Variants in MSH3 observed in about 807,000 individuals in gnomAD.
MSH3 encodes the protein mutS homolog 3.
In MSH3, 106 loss-of-function variants were observed where a neutral mutation model predicts 123.3. The observed-to-expected ratio is 0.86, with a 90% CI of 0.73 to 1.01. MSH3 has a LOEUF of 1.01. Ranked by LOEUF, MSH3 falls within the 50% of genes least tolerant of loss-of-function variation. The probability of loss-of-function intolerance (pLI) is 0.00; values close to 1 mark genes in which losing one functional copy is unlikely to be tolerated. For missense variants in MSH3, 1,459 were observed against 1,347.6 expected, an observed-to-expected ratio of 1.08 and a Z score of -1.29; for synonymous variants, 515 against 481.4, an observed-to-expected ratio of 1.07 and a Z score of -0.91.
At chr5:80,866,090 G>GTTCAC (rs1746093940) in intron 22 of MSH3, among the ~76,000 whole-genome samples, 1 of 152,192 alleles carries the variant, frequency 6.6e-6, no homozygotes, top group Non-Finnish European at 1.5e-5. Flanking sequence ...AACTAACCCA[G>GTTCAC]AGCATTGTAC....
Position 80,741,498 on chromosome 5 carries a change from A to C in MSH3, c.1603A>C (p.Met535Leu), listed in dbSNP as rs1475486581. 1.2e-6 allele frequency: 2 copies of C among 1,607,288 alleles called. No homozygotes were observed. Among genetic ancestry groups the C allele is most frequent in the Admixed American group, 3.3e-5 (2 of 60,026 alleles). The change falls in exon 11 of 24, where the codon ATG becomes CTG. Residue 535 changes from methionine (M) to leucine (L), a missense_variant. Coordinates refer to ENST00000265081, the MANE Select transcript of MSH3 (RefSeq NM_002439.5). ...FKQLSSKMEF[M>L]TINGTTLRNL... ...ACAGCTATCAAGTAAAATGGAATTT[A>C]TGACAATTAATGGAACAACATTAAG...
intron 12 of MSH3, among the ~76,000 whole-genome samples, chr5:80,760,853 C>CTA (rs755302718): frequency 9.9e-5 from 15 of 152,072 alleles, no homozygotes; most frequent in Non-Finnish European, 1.8e-4. Flanking sequence ...TGGGCCAGGG[C>CTA]TAGAGGTGGC....
At chr5:80,698,026 A>C in intron 8 of MSH3, among the ~76,000 whole-genome samples, 1 of 151,588 alleles carries the variant, frequency 6.6e-6, no homozygotes, top group East Asian at 1.9e-4. Context: ...TCCCACCTCA[A>C]CCTCCTGAGT....
At chr5:80,742,393 T>A (rs562958586) in intron 11 of MSH3, among the ~76,000 whole-genome samples, 163 of 152,332 alleles carry the variant, frequency 1.1e-3, no homozygotes, top group Non-Finnish European at 2.1e-3. Context: ...TTGCTTTCAT[T>A]TATTAAATTA....
chr5:80,824,321 C>G (rs574186239), intron 20 of MSH3, among the ~76,000 whole-genome samples: 9 of 151,400 alleles, frequency 5.9e-5, no homozygotes, highest in African/African-American at 1.9e-4. Flanking sequence ...TGGGCGGAGG[C>G]GCCCCCCACC....
chr5:80,709,033 C>T (rs1750784533), intron 8 of MSH3, among the ~76,000 whole-genome samples: 1 of 152,078 alleles, frequency 6.6e-6, no homozygotes, highest in South Asian at 2.1e-4. Context: ...CCTTGGCCTC[C>T]CAAAGTGCTG....
chr5:80,870,838 A>C (rs1016128990), intron 22 of MSH3, among the ~76,000 whole-genome samples: 3 of 152,252 alleles, frequency 2.0e-5, no homozygotes, highest in Non-Finnish European at 4.4e-5. Context: ...AATGATTGAG[A>C]AAAAGCTTTT....
intron 20 of MSH3, among the ~76,000 whole-genome samples, chr5:80,823,403 G>A (rs41100): frequency 0.87 from 131,620 of 152,110 alleles, 57,035 homozygotes; most frequent in East Asian, 1. Context: ...ACTCAGGGAC[G>A]TGGAATTTGG....
At chr5:80,691,354 A>G (rs1750240104) in intron 8 of MSH3, among the ~76,000 whole-genome samples, 1 of 151,956 alleles carries the variant, frequency 6.6e-6, no homozygotes, top group Non-Finnish European at 1.5e-5. Context: ...AGCAACCACA[A>G]TAATATTATC....
At chr5:80,873,500 T>C (rs1746257289) in intron 23 of MSH3, among the ~76,000 whole-genome samples, 1 of 152,206 alleles carries the variant, frequency 6.6e-6, no homozygotes, top group African/African-American at 2.4e-5. Context: ...AGTTGCTAAA[T>C]TGGTTTTTCG....
At chr5:80,682,182 G>T (rs1662039664) in intron 8 of MSH3, among the ~76,000 whole-genome samples, 1 of 152,154 alleles carries the variant, frequency 6.6e-6, no homozygotes, top group Non-Finnish European at 1.5e-5. Context: ...GTTAGCAGGG[G>T]TCAAACAGTG....
At chr5:80,693,774 C>T (rs1057491602) in intron 8 of MSH3, among the ~76,000 whole-genome samples, 1 of 152,096 alleles carries the variant, frequency 6.6e-6, no homozygotes, top group African/African-American at 2.4e-5. Flanking sequence ...TCTCCTGCCT[C>T]AGCCTCCCGA....
At position 80,814,740 on chromosome 5, in the gene MSH3, A is replaced by G. The variant is rs143189180; in HGVS notation, c.2813+999A>G. Among the ~76,000 whole-genome samples, 202 of 152,366 alleles carry G rather than the reference A, an allele frequency of 1.3e-3. 1 individual carries two copies. The highest frequency in any genetic ancestry group is 3.4e-3 in the Middle Eastern group (1 of 294). ...CCCATTTTAGGTGCAGACCTGAAAC[A>G]AACTGCAAAAGGCATTGGACCAAGA... is the stretch of plus-strand genomic sequence containing the variant. On this transcript the variant is annotated intron_variant, in intron 20 of 23. Transcript: ENST00000265081.
intron 6 of MSH3, among the ~76,000 whole-genome samples, chr5:80,674,363 G>A (rs546063334): frequency 6.6e-6 from 1 of 152,180 alleles, no homozygotes; most frequent in South Asian, 2.1e-4. Flanking sequence ...GTTTTCTCAT[G>A]TCTTTAAAAA....
chr5:80,820,020 A>G (rs986751461), intron 20 of MSH3, among the ~76,000 whole-genome samples: 27 of 152,224 alleles, frequency 1.8e-4, no homozygotes, highest in African/African-American at 5.8e-4. Flanking sequence ...AGAGAAGTGT[A>G]TGTGTATACG....
chr5:80,705,097 C>T (rs1307707416), intron 8 of MSH3, among the ~76,000 whole-genome samples: 4 of 152,224 alleles, frequency 2.6e-5, no homozygotes, highest in Non-Finnish European at 5.9e-5. Flanking sequence ...GTGCATGAAA[C>T]ATAGTGCTCA....
At chr5:80,825,132 C>A (rs1007347455) in intron 20 of MSH3, among the ~76,000 whole-genome samples, 1 of 152,046 alleles carries the variant, frequency 6.6e-6, no homozygotes, top group Non-Finnish European at 1.5e-5. Context: ...TATAATAATC[C>A]TCCATGCACC....
intron 17 of MSH3, among the ~76,000 whole-genome samples, chr5:80,781,405 T>C (rs1744406818): frequency 6.6e-6 from 1 of 152,136 alleles, no homozygotes; most frequent in Admixed American, 6.6e-5. Context: ...AAAGTTGAGG[T>C]CTCCCAGGCT....
chr5:80,748,828 A>T (rs913701748), intron 12 of MSH3, among the ~76,000 whole-genome samples: 7 of 151,934 alleles, frequency 4.6e-5, no homozygotes, highest in Non-Finnish European at 8.8e-5. Context: ...CCGTGAGATG[A>T]GTCTGTGTTC....
Sources: gnomAD v4.1 joint callset for allele counts (sites outside exome capture counted in the v4.1 genomes callset) on GRCh38, gnomAD v4.1.1 for gene constraint, MANE v1.5 for transcripts, NCBI Gene and HGNC (gene_info 2026-07-23, HGNC 2026-07-21) for gene names.